Variants in ITGB8 observed in about 807,000 individuals in gnomAD.
The protein encoded by ITGB8 is integrin beta-8.
Under a neutral mutation model 89.5 loss-of-function variants are expected in ITGB8, and 30 were observed. That is an observed-to-expected ratio of 0.34 (90% CI 0.25 to 0.45). The LOEUF is 0.45. Ranked by LOEUF, ITGB8 falls within the 20% of genes least tolerant of loss-of-function variation. The pLI is 1.00. For missense variants in ITGB8, 836 were observed against 933.3 expected, an observed-to-expected ratio of 0.90 and a Z score of 1.36; for synonymous variants, 335 against 320.4, an observed-to-expected ratio of 1.05 and a Z score of -0.49.
chr7:20,361,142 T>G (rs932215242), intron 1 of ITGB8, among the ~76,000 whole-genome samples: 1 of 152,184 alleles, frequency 6.6e-6, no homozygotes, highest in Non-Finnish European at 1.5e-5. Flanking sequence ...ATTAGCCACA[T>G]GAATGTCTTC....
At position 20,409,745 on chromosome 7, in the gene ITGB8, C is replaced by G; in HGVS notation, c.2154C>G (p.Ser718=). Residue 718 remains serine, a synonymous_variant, in exon 13 of 14, where the codon TCC becomes TCG. Coordinates refer to ENST00000222573, the MANE Select transcript of ITGB8 (RefSeq NM_002214.3). ...ILQWNSNKIK[S]SSDYRVSASK... Reference sequence around the variant, plus strand: ...AATGGAATAGTAATAAAATTAAGTCCTCATCAGATTACAGAGTGTCAGCCT... The same window carrying G: ...AATGGAATAGTAATAAAATTAAGTCGTCATCAGATTACAGAGTGTCAGCCT... 2.5e-6 allele frequency: 4 copies of G among 1,612,772 alleles called. No individual in the cohort carries two copies. The highest frequency in any genetic ancestry group is 2.5e-6 in the Non-Finnish European group (3 of 1,179,298).
chr7:20,389,848 T>TG (rs896242290), intron 6 of ITGB8, among the ~76,000 whole-genome samples: 6 of 151,772 alleles, frequency 4.0e-5, no homozygotes, highest in Non-Finnish European at 8.8e-5. Context: ...GTTTTTTTTT[T>TG]TCCATTGCTT....
At position 20,380,749 on chromosome 7, in the gene ITGB8, C is replaced by A; in HGVS notation, c.719C>A (p.Ala240Glu). 1 of 1,612,786 alleles carries A rather than the reference C, an allele frequency of 6.2e-7. No homozygotes were observed. Among genetic ancestry groups the A allele is most frequent in the East Asian group, 2.2e-5 (1 of 44,866 alleles). ...LTENITEFEK[A>E]VHRQKISGNI... ...GAGAACATCACTGAGTTTGAGAAAG[C>A]AGTTCATAGACAGAAGATCTCTGGA... The change falls in exon 5 of 14, where the codon GCA (alanine) becomes GAA (glutamate). Residue 240 changes from alanine to glutamate, a missense_variant. This residue lies in a region of ITGB8 where 192 missense variants were observed against 267.1 expected (regional missense o/e 0.72). Coordinates refer to ENST00000222573, the MANE Select transcript of ITGB8 (RefSeq NM_002214.3).
chr7:20,401,754 T>C lies in ITGB8; in HGVS notation c.1315T>C (p.Cys439Arg). Residue 439 changes from cysteine to arginine, a missense_variant, in exon 10 of 14, where the codon TGT becomes CGT. Transcript: ENST00000222573. ...CAATGTAACAGTTACAATGAAAAAA[T>C]GTGATGTCACAGGAGGAAAAAACTA... ...LFNVTVTMKK[C>R]DVTGGKNYAI... 6.3e-7 allele frequency: 1 copy of C among 1,576,702 alleles called. No individual in the cohort carries two copies. The highest frequency in any genetic ancestry group is 8.6e-7 in the Non-Finnish European group (1 of 1,167,072).
rs997354453 is a variant in ITGB8 at position 20,410,260 on chromosome 7, C to T, written c.*263C>T. The T allele has an allele frequency of 2.5e-6, 1 of 392,514 alleles. No individual in the cohort carries two copies. The highest frequency in any genetic ancestry group is 4.7e-6 in the Non-Finnish European group (1 of 214,472). 24.3% of individuals were successfully genotyped at this position (392,514 alleles called of 1,614,324 possible). ...ACTGTAATATATAACTTATTTAGAT[C>T]AGCATAGAATGTAGATCCTCTGAAG... On this transcript the variant is annotated 3_prime_UTR_variant, in exon 14 of 14. Transcript: ENST00000222573.
At chr7:20,348,639 T>C (rs921923494) in intron 1 of ITGB8, among the ~76,000 whole-genome samples, 2 of 152,222 alleles carry the variant, frequency 1.3e-5, no homozygotes, top group Non-Finnish European at 2.9e-5. Context: ...TGGGGGTGAC[T>C]TGGGTAAGGC....
intron 1 of ITGB8, among the ~76,000 whole-genome samples, chr7:20,355,628 A>G (rs562577962): frequency 3.9e-5 from 6 of 152,344 alleles, no homozygotes; most frequent in Middle Eastern, 3.4e-3. Context: ...AAGTAGAGGC[A>G]AAATTATTTA....
chr7:20,342,339 G>A (rs755502331), intron 1 of ITGB8, among the ~76,000 whole-genome samples: 11 of 152,146 alleles, frequency 7.2e-5, no homozygotes, highest in Non-Finnish European at 1.3e-4. Flanking sequence ...TTACCTCAAC[G>A]TTTTGGAGCT....
intron 1 of ITGB8, among the ~76,000 whole-genome samples, chr7:20,348,947 A>G (rs568116142): frequency 6.6e-6 from 1 of 152,318 alleles, no homozygotes; most frequent in South Asian, 2.1e-4. Flanking sequence ...AGAAGATGGA[A>G]TAAGAATTTT....
intron 1 of ITGB8, among the ~76,000 whole-genome samples, chr7:20,337,042 C>A (rs1784600105): frequency 6.6e-6 from 1 of 152,158 alleles, no homozygotes; most frequent in Non-Finnish European, 1.5e-5. Context: ...GTCTCTTGAC[C>A]TTCTGGACAA....
chr7:20,358,623 G>A (rs1019970001), intron 1 of ITGB8, among the ~76,000 whole-genome samples: 2 of 152,022 alleles, frequency 1.3e-5, no homozygotes, highest in Non-Finnish European at 2.9e-5. Flanking sequence ...GGCTGGTCTC[G>A]AACTCCTGAA....
intron 1 of ITGB8, among the ~76,000 whole-genome samples, chr7:20,347,656 G>A (rs1422790626): frequency 6.6e-6 from 1 of 152,214 alleles, no homozygotes; most frequent in Non-Finnish European, 1.5e-5. Flanking sequence ...GGAACATAAT[G>A]TTTGAGACTC....
chr7:20,400,723 C>CA (rs1291470899), intron 9 of ITGB8, among the ~76,000 whole-genome samples: 2 of 152,112 alleles, frequency 1.3e-5, no homozygotes, highest in African/African-American at 4.8e-5. Context: ...TTCCTGCCAG[C>CA]ACAGCTCCTT....
chr7:20,352,446 A>G (rs927071674), intron 1 of ITGB8: 2 of 152,360 alleles, frequency 1.3e-5, no homozygotes, highest in Middle Eastern at 3.4e-3. Flanking sequence ...TGCTTTGCCT[A>G]GGAAATAATA....
rs925052363 is a variant in ITGB8 at position 20,415,478 on chromosome 7, G to A, written c.*5481G>A. 5.9e-5 allele frequency: 9 copies of A among 152,308 alleles called. No homozygotes were observed. The highest frequency in any genetic ancestry group is 1.4e-4 in the African/African-American group (6 of 41,388). The allele number at this position is 152,308 out of a possible 1,614,324, so 9.4% of individuals were successfully genotyped here. On this transcript the variant is annotated 3_prime_UTR_variant, in exon 14 of 14. Transcript: ENST00000222573. The stretch of plus-strand genomic sequence containing the variant: ...TATTATTTCTGGCTTTGAATTATAC[G>A]TAACTTAAATTGTCTTAAATGATAC...
intron 8 of ITGB8, among the ~76,000 whole-genome samples, chr7:20,395,395 A>G (rs137885707): frequency 1.3e-5 from 2 of 152,388 alleles, no homozygotes; most frequent in African/African-American, 4.8e-5. Context: ...TCTGGGATAT[A>G]GCAATTATTA....
rs1246958294 is a variant in ITGB8 at position 20,414,134 on chromosome 7, T to A, written c.*4137T>A. 6.6e-6 allele frequency: 1 copy of A among 152,182 alleles called. No individual in the cohort carries two copies. The highest frequency in any genetic ancestry group is 1.9e-4 in the East Asian group (1 of 5,204). 9.4% of individuals were successfully genotyped at this position (152,182 alleles called of 1,614,324 possible). Reference sequence around the variant, plus strand: ...TGCAGTGTTTAAAATTATGCTTGAATAAATATTACACTAATCCAACTTTAC... The same window carrying A: ...TGCAGTGTTTAAAATTATGCTTGAAAAAATATTACACTAATCCAACTTTAC... On this transcript the variant is annotated 3_prime_UTR_variant, in exon 14 of 14. Transcript: ENST00000222573.
At chr7:20,391,354 A>G (rs1424271367) in intron 6 of ITGB8, 49 bp from the exon 7 acceptor site, 1 of 999,382 alleles carries the variant, frequency 1.0e-6, no homozygotes, top group Admixed American at 2.1e-5. Context: ...TTTGAATAGG[A>G]TGGAGCTATG....
At chr7:20,378,527 C>G (rs1049558033) in intron 3 of ITGB8, among the ~76,000 whole-genome samples, 1 of 152,144 alleles carries the variant, frequency 6.6e-6, no homozygotes, top group Non-Finnish European at 1.5e-5. Flanking sequence ...TACACAGTAC[C>G]AGAGTTTTCT....
Sources: gnomAD v4.1 joint callset for allele counts (sites outside exome capture counted in the v4.1 genomes callset) on GRCh38, gnomAD v4.1.1 for gene constraint, gnomAD v4.1.1 regional missense constraint, MANE v1.5 for transcripts, NCBI Gene and HGNC (gene_info 2026-07-23, HGNC 2026-07-21) for gene names.